CHD1L: variants seen among roughly 807,000 people sequenced by gnomAD.
CHD1L encodes ATP-dependent chromatin remodeler CHD1L.
Under a neutral mutation model 115.9 loss-of-function variants are expected in CHD1L, and 118 were observed. That is an observed-to-expected ratio of 1.02 (90% CI 0.88 to 1.19). The LOEUF (loss-of-function observed/expected upper bound fraction) is 1.19, where lower values mean the gene tolerates loss of function less well. Among genes scored for constraint, CHD1L ranks in the 50% most tolerant of loss-of-function variants. The pLI is 0.00. For missense variants in CHD1L, 1,179 were observed against 1,065.3 expected (o/e 1.11, Z -1.49); for synonymous variants, 411 against 387.1 (o/e 1.06, Z -0.72).
chr1:147,254,582 CT>C (rs782440196), intron 2 of CHD1L, among the ~76,000 whole-genome samples: 42 of 152,262 alleles, frequency 2.8e-4, no homozygotes, highest in Non-Finnish European at 5.0e-4. Flanking sequence ...ATTGTCTTTC[CT>C]GACTTTTTCT....
chr1:147,282,231 T>C (rs1681184735), intron 15 of CHD1L, among the ~76,000 whole-genome samples: 1 of 152,192 alleles, frequency 6.6e-6, no homozygotes, highest in Admixed American at 6.5e-5. Context: ...CCATATTTGA[T>C]GTCTTTTCAC....
intron 12 of CHD1L, among the ~76,000 whole-genome samples, chr1:147,274,837 G>A (rs1440565065): frequency 6.6e-6 from 1 of 152,086 alleles, no homozygotes; most frequent in Non-Finnish European, 1.5e-5. Flanking sequence ...GAGGGAGGAG[G>A]TTTCCCACTC....
intron 15 of CHD1L, among the ~76,000 whole-genome samples, chr1:147,282,644 T>C (rs1681371544): frequency 6.6e-6 from 1 of 152,220 alleles, no homozygotes; most frequent in South Asian, 2.1e-4. Flanking sequence ...AGAGAAGAAA[T>C]AGATGCATGT....
rs782749767 is a variant in CHD1L, at chr1:147,280,175, A to C, written c.1689A>C (p.Arg563Ser). ...DALPAAEGGS[R>S]DQEEGKNHMY... ...TGCCTGCAGCAGAAGGAGGGAGCAG[A>C]GATCAAGAGGAAGGAAGTAAGTTGG... is the stretch of plus-strand genomic sequence containing the variant. The change falls in exon 15 of 23, where the codon AGA (arginine) becomes AGC (serine). Residue 563 changes from arginine to serine, a missense_variant. By Grantham distance (110) the Arg-to-Ser change is moderately radical. Transcript: ENST00000369258. 31 of 1,600,258 alleles carry C rather than the reference A, an allele frequency of 1.9e-5. No individual in the cohort carries two copies. The highest frequency in any genetic ancestry group is 2.6e-5 in the Non-Finnish European group (31 of 1,174,138).
At chr1:147,178,863 CAA>C in the CHD1L span, 1 of 1,580,074 alleles carries the variant, frequency 6.3e-7, no homozygotes, top group Admixed American at 1.7e-5. Context: ...TGACAGAAGA[CAA>C]TAAAGATTTG....
At chr1:147,277,718 GA>G (rs1679071108) in intron 14 of CHD1L, among the ~76,000 whole-genome samples, 1 of 152,202 alleles carries the variant, frequency 6.6e-6, no homozygotes, top group Admixed American at 6.5e-5. Flanking sequence ...AAGCTTGAGA[GA>G]GAGGTAGAGG....
intron 19 of CHD1L, among the ~76,000 whole-genome samples, chr1:147,288,800 C>T (rs1684392117): frequency 6.6e-6 from 1 of 152,132 alleles, no homozygotes; most frequent in African/African-American, 2.4e-5. Flanking sequence ...GTATAACACT[C>T]CCTGGAGACA....
At chr1:147,203,937 G>A in the CHD1L span, 4 of 1,395,282 alleles carry the variant, frequency 2.9e-6, no homozygotes, top group Admixed American at 1.7e-5. Context: ...AATCTAGGAA[G>A]AGCTGTAGCA....
chr1:147,254,478 T>C (rs1372898099), intron 2 of CHD1L, among the ~76,000 whole-genome samples: 1 of 152,200 alleles, frequency 6.6e-6, no homozygotes, highest in African/African-American at 2.4e-5. Context: ...CACCATGCGA[T>C]TGGCCGTTTT....
At chr1:147,192,455 A>C in the CHD1L span, among the ~76,000 whole-genome samples, 2 of 152,138 alleles carry the variant, frequency 1.3e-5, no homozygotes, top group Non-Finnish European at 2.9e-5. Flanking sequence ...TGTCGTCTGC[A>C]AACAGGGACA....
intron 13 of CHD1L, 31 bp downstream of exon 13, chr1:147,275,499 GC>G: frequency 6.5e-7 from 1 of 1,537,832 alleles, no homozygotes. Flanking sequence ...TCCTTGGCTT[GC>G]CCAGCAGCAG....
the CHD1L span, among the ~76,000 whole-genome samples, chr1:147,227,654 G>A: frequency 0.021 from 3,176 of 152,272 alleles, 107 homozygotes; most frequent in African/African-American, 0.071. Flanking sequence ...AGTTACTCAT[G>A]CTATTACTAG....
chr1:147,260,187 T>C, intron 6 of CHD1L: 1 of 287,930 alleles, frequency 3.5e-6, no homozygotes, highest in Non-Finnish European at 6.7e-6. Context: ...ATAGTTTACA[T>C]TCGGGTTCAC....
chr1:147,244,452 A>G (rs782425889), intron 1 of CHD1L, among the ~76,000 whole-genome samples: 28 of 148,530 alleles, frequency 1.9e-4, no homozygotes, highest in Middle Eastern at 3.4e-3. Context: ...ATGAGAAACT[A>G]TTCTTCATGA....
intron 1 of CHD1L, among the ~76,000 whole-genome samples, chr1:147,252,385 A>G (rs1252936415): frequency 6.6e-6 from 1 of 152,210 alleles, no homozygotes; most frequent in African/African-American, 2.4e-5. Flanking sequence ...CAAGTGAATC[A>G]GGTAACAATG....
chr1:147,283,589 C>G (rs1263205764), intron 15 of CHD1L, among the ~76,000 whole-genome samples: 2 of 152,286 alleles, frequency 1.3e-5, no homozygotes, highest in Admixed American at 1.3e-4. Flanking sequence ...TTGGAAAAAT[C>G]AGACACGATT....
At chr1:147,187,483 T>C in the CHD1L span, among the ~76,000 whole-genome samples, 1 of 151,938 alleles carries the variant, frequency 6.6e-6, no homozygotes, top group Non-Finnish European at 1.5e-5. Context: ...AATAGAAATG[T>C]GGAGAGGGGA....
At chr1:147,229,810 T>C in the CHD1L span, among the ~76,000 whole-genome samples, 4 of 151,984 alleles carry the variant, frequency 2.6e-5, no homozygotes, top group Admixed American at 2.6e-4. Context: ...GCTCTCTGTT[T>C]GTCTGTTATT....
chr1:147,213,551 C>T, the CHD1L span: 3 of 1,218,028 alleles, frequency 2.5e-6, no homozygotes, highest in Non-Finnish European at 3.4e-6. Context: ...GCTGATATCA[C>T]AGACACTATC....
Sources: allele counts gnomAD v4.1 joint callset (sites outside exome capture counted in the v4.1 genomes callset), GRCh38; gene constraint gnomAD v4.1.1; transcripts MANE v1.5; gene names NCBI Gene and HGNC (gene_info 2026-07-23, HGNC 2026-07-21).